Variants in FOXJ3 observed in about 807,000 individuals in gnomAD.
The protein encoded by FOXJ3 is forkhead box J3.
In FOXJ3, 22 loss-of-function variants were observed where a neutral mutation model predicts 76.1. The observed-to-expected ratio is 0.29, with a 90% confidence interval of 0.21 to 0.41. The LOEUF (loss-of-function observed/expected upper bound fraction) is 0.41. Among genes scored for constraint, FOXJ3 ranks in the 10% least tolerant of loss-of-function variants. FOXJ3 has a pLI of 1.00. For missense variants in FOXJ3, 613 were observed against 762.1 expected (o/e 0.80, Z 2.30); for synonymous variants, 269 against 261.2 (o/e 1.03, Z -0.29).
intron 3 of FOXJ3, among the ~76,000 whole-genome samples, chr1:42,272,258 T>C (rs369598747): frequency 6.6e-6 from 1 of 152,256 alleles, no homozygotes; most frequent in Admixed American, 6.5e-5. Flanking sequence ...TTTTCCCACA[T>C]CCTATCGCCT....
chr1:42,264,315 T>G (rs1233962763), intron 4 of FOXJ3, among the ~76,000 whole-genome samples: 2 of 152,094 alleles, frequency 1.3e-5, no homozygotes, highest in African/African-American at 2.4e-5. Flanking sequence ...GTAAAGAATA[T>G]TTTACAAGAA....
intron 6 of FOXJ3, among the ~76,000 whole-genome samples, chr1:42,200,930 C>G (rs2124285146): frequency 6.6e-6 from 1 of 152,242 alleles, no homozygotes; most frequent in Middle Eastern, 3.4e-3. Flanking sequence ...GAAAAACTGT[C>G]TTCTTTACAG....
rs1416127908 is a variant in FOXJ3 at position 42,178,573 on chromosome 1, T to A, written c.*1137A>T. ...GCTGAGGCAGGCAGACTGCCTGAGC[T>A]CAAGAGTTTGCAACCAGCCCAGGCA... On this transcript the variant is annotated 3_prime_UTR_variant, in exon 13 of 13. Coordinates refer to ENST00000361346, the MANE Select transcript of FOXJ3 (RefSeq NM_014947.5). 1 of 152,192 alleles carries A rather than the reference T, an allele frequency of 6.6e-6. No individual in the cohort carries two copies. The highest frequency in any genetic ancestry group is 2.4e-5 in the African/African-American group (1 of 41,412). The allele number at this position is 152,192 out of a possible 1,614,324, so 9.4% of individuals were successfully genotyped here. A position where few individuals can be genotyped will look rare whatever the true frequency, so the allele number is the denominator to read the frequency against.
In FOXJ3 at chr1:42,176,929, G is replaced by A. The variant is rs780801702; in HGVS notation, c.*2781C>T. On this transcript the variant is annotated 3_prime_UTR_variant, in exon 13 of 13. Coordinates refer to ENST00000361346, the MANE Select transcript of FOXJ3 (RefSeq NM_014947.5). ...ACATCTGAGCGACACGTATTTACAAGAACACACATGAATACATTTACATTT... is the reference window on the plus strand; with the variant it reads ...ACATCTGAGCGACACGTATTTACAAAAACACACATGAATACATTTACATTT... 4.1e-4 allele frequency: 63 copies of A among 152,728 alleles called. No individual in the cohort carries two copies. Among genetic ancestry groups the A allele is most frequent in the Non-Finnish European group, 3.7e-4 (25 of 68,032 alleles). The allele number at this position is 152,728 out of a possible 1,614,324, so 9.5% of individuals were successfully genotyped here.
intron 4 of FOXJ3, among the ~76,000 whole-genome samples, chr1:42,249,063 C>A (rs1314071463): frequency 1.3e-5 from 2 of 152,036 alleles, no homozygotes; most frequent in East Asian, 1.9e-4. Context: ...TCATCCATGT[C>A]CCTGCAAAGG....
intron 4 of FOXJ3, among the ~76,000 whole-genome samples, chr1:42,259,361 T>A (rs535987253): frequency 2.0e-5 from 3 of 152,222 alleles, no homozygotes. Flanking sequence ...AGAGTAAATT[T>A]CACCATATAT....
chr1:42,252,053 T>A (rs1218515786), intron 4 of FOXJ3, among the ~76,000 whole-genome samples: 1 of 152,190 alleles, frequency 6.6e-6, no homozygotes, highest in Non-Finnish European at 1.5e-5. Flanking sequence ...TTTGCATCAA[T>A]GTTCATCAAG....
At chr1:42,228,036 TCCTTTGC>T in intron 4 of FOXJ3, 70 bp from the exon 5 acceptor site, 1 of 735,864 alleles carries the variant, frequency 1.4e-6, no homozygotes, top group South Asian at 3.1e-5. Flanking sequence ...ATTTTTATAA[TCCTTTGC>T]ATCAAAAGCA....
intron 4 of FOXJ3, among the ~76,000 whole-genome samples, chr1:42,249,872 G>T (rs1017887067): frequency 3.9e-5 from 6 of 152,258 alleles, no homozygotes; most frequent in African/African-American, 9.6e-5. Flanking sequence ...ATTTTGAAAA[G>T]TTAGAGTAGG....
intron 8 of FOXJ3, among the ~76,000 whole-genome samples, chr1:42,192,869 T>C (rs896342630): frequency 2.0e-5 from 3 of 152,128 alleles, no homozygotes; most frequent in African/African-American, 7.2e-5. Flanking sequence ...TTTGTGTTCA[T>C]TGCAAGATAA....
intron 1 of FOXJ3, among the ~76,000 whole-genome samples, chr1:42,317,375 T>C (rs1655175493): frequency 6.6e-6 from 1 of 152,192 alleles, no homozygotes; most frequent in African/African-American, 2.4e-5. Flanking sequence ...CCAGCCACTC[T>C]AGCTAAACCT....
intron 2 of FOXJ3, among the ~76,000 whole-genome samples, chr1:42,292,311 C>T (rs1282688342): frequency 6.6e-6 from 1 of 152,186 alleles, no homozygotes; most frequent in Non-Finnish European, 1.5e-5. Context: ...AAAGGCATAA[C>T]TGCTTTAAGG....
chr1:42,297,307 T>C (rs1183631413), intron 2 of FOXJ3, among the ~76,000 whole-genome samples: 2 of 152,222 alleles, frequency 1.3e-5, no homozygotes, highest in African/African-American at 2.4e-5. Flanking sequence ...CAGTACTATG[T>C]TGAACAAGAG....
intron 2 of FOXJ3, among the ~76,000 whole-genome samples, chr1:42,300,473 G>A (rs1045495116): frequency 6.6e-6 from 1 of 151,854 alleles, no homozygotes; most frequent in African/African-American, 2.4e-5. Flanking sequence ...TTTTTGGCAG[G>A]ATATAAAATT....
chr1:42,310,377 C>T (rs982429365), intron 2 of FOXJ3, among the ~76,000 whole-genome samples: 1 of 151,998 alleles, frequency 6.6e-6, no homozygotes, highest in South Asian at 2.1e-4. Context: ...ATTTCTTGAC[C>T]TCGTGATCCG....
Position 42,232,045 on chromosome 1 carries a change from G to A in FOXJ3, c.445-4079C>T, listed in dbSNP as rs879748535. 2.8e-4 allele frequency among the ~76,000 whole-genome samples: 42 copies of A among 152,156 alleles called. No individual in the cohort carries two copies. In the East Asian group the frequency reaches 4.4e-3, roughly 16 times the overall value. The stretch of plus-strand genomic sequence containing the variant: ...TTCCCACCTATGAGTGAGAACATGC[G>A]GTGTTTGGTTTTTTGTCCTTGCGAT... On this transcript the variant is annotated intron_variant, in intron 4 of 12. Coordinates refer to ENST00000361346, the MANE Select transcript of FOXJ3 (RefSeq NM_014947.5).
chr1:42,241,245 C>G (rs1392518784), intron 4 of FOXJ3, among the ~76,000 whole-genome samples: 1 of 152,154 alleles, frequency 6.6e-6, no homozygotes, highest in Non-Finnish European at 1.5e-5. Flanking sequence ...CACACACTCT[C>G]TGAAGCCTAA....
chr1:42,224,720 C>T (rs1647407986), intron 5 of FOXJ3, among the ~76,000 whole-genome samples: 1 of 151,898 alleles, frequency 6.6e-6, no homozygotes, highest in Admixed American at 6.6e-5. Flanking sequence ...AACTGTCAAG[C>T]TTTATCTTCC....
rs112922968 is a variant in FOXJ3 at position 42,241,842 on chromosome 1, G to A, written c.445-13876C>T. On this transcript the variant is annotated intron_variant, in intron 4 of 12. Transcript: ENST00000361346. Reference sequence around the variant, plus strand: ...CCCAATTGGACCCACTAACACCACCGTCACACTACCCAGGGTCTCAAGGAC... The same window carrying A: ...CCCAATTGGACCCACTAACACCACCATCACACTACCCAGGGTCTCAAGGAC... Among the ~76,000 whole-genome samples, 1,184 of 152,136 alleles carry A rather than the reference G, an allele frequency of 7.8e-3. 4 individuals are homozygous for A. Among genetic ancestry groups the A allele is most frequent in the Non-Finnish European group, 0.012 (792 of 67,988 alleles).
Sources: gnomAD v4.1 joint callset for allele counts (sites outside exome capture counted in the v4.1 genomes callset) on GRCh38, gnomAD v4.1.1 for gene constraint, MANE v1.5 for transcripts, NCBI Gene and HGNC (gene_info 2026-07-23, HGNC 2026-07-21) for gene names.